Variants in ACSM1 observed in about 807,000 individuals in gnomAD.
ACSM1 encodes the protein acyl-CoA synthetase medium chain family member 1, also known as acyl-coenzyme A synthetase ACSM1, mitochondrial.
A neutral mutation model predicts 75.8 loss-of-function variants in ACSM1; 79 were observed. The ratio of observed to expected loss-of-function variants is 1.04; its 90% confidence interval spans 0.87 to 1.26. ACSM1 has a LOEUF of 1.26. Ranked by LOEUF, ACSM1 falls within the 50% of genes most tolerant of loss-of-function variation. The pLI, the probability that ACSM1 is intolerant of heterozygous loss-of-function variation, is 0.00. For missense variants in ACSM1, 676 were observed against 720.1 expected (o/e 0.94, Z 0.70); for synonymous variants, 279 against 265.8 (o/e 1.05, Z -0.48).
At position 20,655,979 on chromosome 16, in the gene ACSM1, G is replaced by T. The variant is rs117905411; in HGVS notation, c.992+5815C>A. Among the ~76,000 whole-genome samples, 223 of 152,154 alleles carry T rather than the reference G, an allele frequency of 1.5e-3. 4 individuals are homozygous for T. The East Asian group carries it at 0.033, about 23-fold the overall frequency. On this transcript the variant is annotated intron_variant, in intron 7 of 13. Coordinates refer to ENST00000520010, the MANE Select transcript of ACSM1 (RefSeq NM_001318890.3). ...CCTGGCTGACTTATTTTTAATGCAAGAAGTTTTTAAATTTTTAATTGTTTC... is the reference window on the plus strand; with the variant it reads ...CCTGGCTGACTTATTTTTAATGCAATAAGTTTTTAAATTTTTAATTGTTTC...
At chr16:20,680,794 G>T (rs1008121794) in intron 4 of ACSM1, 2 of 152,194 alleles carry the variant, frequency 1.3e-5, no homozygotes, top group Admixed American at 6.5e-5. Flanking sequence ...TCAACTAGAG[G>T]TTCCAAATGC....
At chr16:20,685,583 A>T (rs2079533066) in intron 2 of ACSM1, among the ~76,000 whole-genome samples, 180 bp from the exon 3 acceptor site, 2 of 152,028 alleles carry the variant, frequency 1.3e-5, no homozygotes, top group Non-Finnish European at 2.9e-5. Flanking sequence ...GTACTTTAGG[A>T]GGTGGAGGCA....
At chr16:20,645,918 T>C (rs1304182783) in intron 7 of ACSM1, among the ~76,000 whole-genome samples, 2 of 152,218 alleles carry the variant, frequency 1.3e-5, no homozygotes, top group Admixed American at 6.5e-5. Flanking sequence ...TGAGGAAGCA[T>C]ACCTCTCTGT....
At chr16:20,671,974 G>A (rs395501) in intron 4 of ACSM1, among the ~76,000 whole-genome samples, 51,617 of 151,892 alleles carry the variant, frequency 0.34, 9,655 homozygotes, top group East Asian at 0.64. Flanking sequence ...ATGAACATTT[G>A]AATAGCACTT....
At chr16:20,641,109 G>A (rs2152218110) in intron 7 of ACSM1, among the ~76,000 whole-genome samples, 1 of 152,298 alleles carries the variant, frequency 6.6e-6, no homozygotes, top group Middle Eastern at 3.4e-3. Context: ...GCTGAGTAGG[G>A]AAAGAGAGAG....
intron 6 of ACSM1, among the ~76,000 whole-genome samples, chr16:20,664,287 G>C (rs887224309): frequency 6.6e-6 from 1 of 151,914 alleles, no homozygotes; most frequent in African/African-American, 2.4e-5. Context: ...ATGCCCACAG[G>C]CTCTAAGCAA....
At chr16:20,677,155 A>G (rs149557791) in intron 4 of ACSM1, among the ~76,000 whole-genome samples, 1,958 of 152,070 alleles carry the variant, frequency 0.013, 46 homozygotes, top group African/African-American at 0.045. Context: ...GCTTATGGCT[A>G]AGCCACAAAG....
Position 20,640,718 on chromosome 16 carries a change from G to T in ACSM1, c.993-134C>A, listed in dbSNP as rs1055507882. 1.1e-5 allele frequency: 16 copies of T among 1,439,154 alleles called. No individual in the cohort carries two copies. The Admixed American group carries it at 1.9e-4, about 17-fold the overall frequency. 89.1% of individuals were successfully genotyped at this position (1,439,154 alleles called of 1,614,324 possible). A position where few individuals can be genotyped will look rare whatever the true frequency, so the allele number is the denominator to read the frequency against. On this transcript the variant is annotated intron_variant, in intron 7 of 13. Transcript: ENST00000520010. ...TTATTTACTTTTTGGTCATTTTACA[G>T]TTGGCCATGGCCAAGTGGATGTCAC...
At chr16:20,677,230 A>G (rs1460798144) in intron 4 of ACSM1, among the ~76,000 whole-genome samples, 6 of 151,774 alleles carry the variant, frequency 4.0e-5, no homozygotes, top group Non-Finnish European at 8.8e-5. Flanking sequence ...AGAAATTAAA[A>G]AAAAAAAAAA....
At chr16:20,632,673 T>A (rs1346578336) in intron 10 of ACSM1, among the ~76,000 whole-genome samples, 1 of 152,192 alleles carries the variant, frequency 6.6e-6, no homozygotes, top group Non-Finnish European at 1.5e-5. Flanking sequence ...AGGAAAAATT[T>A]TATAAGTCAA....
chr16:20,629,741 C>G (rs1417175752), intron 10 of ACSM1, among the ~76,000 whole-genome samples: 3 of 152,132 alleles, frequency 2.0e-5, no homozygotes, highest in Non-Finnish European at 2.9e-5. Context: ...CAACTGTAAT[C>G]CCAGCATTTT....
chr16:20,672,495 T>TA (rs1555473809), intron 4 of ACSM1, among the ~76,000 whole-genome samples: 2 of 93,302 alleles, frequency 2.1e-5, no homozygotes, highest in South Asian at 6.8e-4. Context: ...TATATATATA[T>TA]AAAAAACATA....
intron 10 of ACSM1, among the ~76,000 whole-genome samples, chr16:20,632,335 A>G (rs1369804166): frequency 6.6e-6 from 1 of 152,212 alleles, no homozygotes; most frequent in Non-Finnish European, 1.5e-5. Flanking sequence ...TAGATTGATT[A>G]ATAAAAAAGT....
At chr16:20,645,287 T>G (rs1373642038) in intron 7 of ACSM1, among the ~76,000 whole-genome samples, 2 of 152,210 alleles carry the variant, frequency 1.3e-5, no homozygotes, top group Non-Finnish European at 2.9e-5. Flanking sequence ...GTATTAGGAC[T>G]ATAGAGGATG....
In ACSM1 at chr16:20,640,425, A is replaced by T. The variant is rs574246403; in HGVS notation, c.1116+36T>A. Reference sequence around the variant, plus strand: ...AAAATAATCTTTTAAATTAATTGAGACCTGTCTCAGACACTTTCTGGTTTG... The same window carrying T: ...AAAATAATCTTTTAAATTAATTGAGTCCTGTCTCAGACACTTTCTGGTTTG... On this transcript the variant is annotated intron_variant, in intron 8 of 13. Transcript: ENST00000520010. 60 of 1,612,232 alleles carry T rather than the reference A, an allele frequency of 3.7e-5. 1 individual carries two copies. In the South Asian group the frequency reaches 6.2e-4, roughly 17 times the overall value.
At chr16:20,654,506 C>T (rs1310333108) in intron 7 of ACSM1, among the ~76,000 whole-genome samples, 2 of 152,168 alleles carry the variant, frequency 1.3e-5, no homozygotes, top group African/African-American at 4.8e-5. Flanking sequence ...ACTCATCTGA[C>T]AAAGGGCTAA....
rs750383081 is a variant in ACSM1 at position 20,623,464 on chromosome 16, T to C, written c.*22A>G. 3.1e-6 allele frequency: 5 copies of C among 1,611,816 alleles called. No homozygotes were observed. In the South Asian group the frequency reaches 3.3e-5, roughly 11 times the overall value. The stretch of plus-strand genomic sequence containing the variant: ...CCAGGGATTTGCCTTAGGTGTGCAG[T>C]GCGTTCTGAGTTCACTGCCGATTAC... On this transcript the variant is annotated 3_prime_UTR_variant, in exon 14 of 14. Coordinates refer to ENST00000520010, the MANE Select transcript of ACSM1 (RefSeq NM_001318890.3).
At chr16:20,685,644 AC>A (rs1414130683) in intron 2 of ACSM1, among the ~76,000 whole-genome samples, 1 of 151,564 alleles carries the variant, frequency 6.6e-6, no homozygotes, top group Non-Finnish European at 1.5e-5. Context: ...ACATGGTGAA[AC>A]CCTGTCTCTA....
At chr16:20,642,706 G>A (rs539194194) in intron 7 of ACSM1, among the ~76,000 whole-genome samples, 2 of 152,242 alleles carry the variant, frequency 1.3e-5, no homozygotes, top group East Asian at 3.9e-4. Context: ...ACTGGAACTG[G>A]GTCTATGACA....
Sources: allele counts gnomAD v4.1 joint callset (sites outside exome capture counted in the v4.1 genomes callset), GRCh38; gene constraint gnomAD v4.1.1; transcripts MANE v1.5; gene names NCBI Gene and HGNC (gene_info 2026-07-23, HGNC 2026-07-21).